The following LRRTM3 variants were observed in gnomAD, a reference collection of about 807,000 sequenced individuals.
The protein encoded by LRRTM3 is leucine-rich repeat transmembrane neuronal protein 3.
In LRRTM3, 24 loss-of-function variants were observed where a neutral mutation model predicts 44.7. The observed-to-expected ratio is 0.54, with a 90% CI of 0.39 to 0.76. The LOEUF (loss-of-function observed/expected upper bound fraction) is 0.76. Among genes scored for constraint, LRRTM3 ranks in the 30% least tolerant of loss-of-function variants. The pLI is 0.00. For synonymous variants in LRRTM3, 277 were observed against 278.7 expected (o/e 0.99, Z 0.06); for missense variants, 587 against 702.2 (o/e 0.84, Z 1.85).
At chr10:66,946,737 C>A (rs1848292625) in intron 2 of LRRTM3, among the ~76,000 whole-genome samples, 1 of 152,066 alleles carries the variant, frequency 6.6e-6, no homozygotes, top group South Asian at 2.1e-4. Flanking sequence ...TATTTCTCAT[C>A]TCTGTCCCTC....
At chr10:66,982,862 C>T (rs1850518592) in intron 2 of LRRTM3, among the ~76,000 whole-genome samples, 1 of 152,142 alleles carries the variant, frequency 6.6e-6, no homozygotes, top group South Asian at 2.1e-4. Context: ...TGAAGTCCTT[C>T]AGCTGACCTG....
intron 2 of LRRTM3, among the ~76,000 whole-genome samples, chr10:66,981,945 C>A (rs949302070): frequency 6.6e-6 from 1 of 152,166 alleles, no homozygotes; most frequent in African/African-American, 2.4e-5. Flanking sequence ...CCAAAGGCTG[C>A]CTATTTGGCT....
chr10:67,080,395 C>T (rs1383546795), intron 2 of LRRTM3, among the ~76,000 whole-genome samples: 1 of 152,128 alleles, frequency 6.6e-6, no homozygotes, highest in Admixed American at 6.6e-5. Context: ...GTCAGGAACA[C>T]ATTTAAATAA....
chr10:66,956,767 G>A (rs1029162703), intron 2 of LRRTM3, among the ~76,000 whole-genome samples: 1 of 152,114 alleles, frequency 6.6e-6, no homozygotes, highest in Non-Finnish European at 1.5e-5. Context: ...ACTGAATTTG[G>A]CAAATCACAC....
intron 2 of LRRTM3, among the ~76,000 whole-genome samples, chr10:66,950,344 G>A (rs576728586): frequency 6.6e-6 from 1 of 151,476 alleles, no homozygotes; most frequent in South Asian, 2.1e-4. Flanking sequence ...AATTTTACAG[G>A]GAGGAAAAAA....
Position 67,078,556 on chromosome 10 carries a change from G to A in LRRTM3, c.1537-19031G>A, listed in dbSNP as rs139094890. On this transcript the variant is annotated intron_variant, in intron 2 of 2. Coordinates refer to ENST00000361320, the MANE Select transcript of LRRTM3 (RefSeq NM_178011.5). The stretch of plus-strand genomic sequence containing the variant: ...ATTTGAGAAGGAGTCTCGCTCTGTC[G>A]CCCAGGCTGGAGTGCAGTGGTGCAA... Among the ~76,000 whole-genome samples the A allele has an allele frequency of 2.7e-4, 41 of 151,468 alleles. No homozygotes were observed. The East Asian group carries it at 5.7e-3, about 21-fold the overall frequency.
At chr10:67,094,772 T>C (rs771605521) in intron 2 of LRRTM3, among the ~76,000 whole-genome samples, 8 of 151,760 alleles carry the variant, frequency 5.3e-5, no homozygotes, top group Non-Finnish European at 2.9e-5. Flanking sequence ...AAAATATTCA[T>C]AATTCAACAA....
Position 66,928,308 on chromosome 10 carries a change from G to T in LRRTM3, c.1392G>T (p.Lys464Asn). ...CCCTCATGCGAAGGCACAGGAAAAA[G>T]AAAAGACAGTCCCTAAAGCAAATGA... is the stretch of plus-strand genomic sequence containing the variant. ...QRSLMRRHRK[K>N]KRQSLKQMTP... The change falls in exon 2 of 3, where the codon AAG becomes AAT. Residue 464 changes from lysine to asparagine, a missense_variant. Physicochemically the swap from Lys to Asn is moderately conservative, Grantham distance 94. Around this residue, in one of 3 missense-constraint regions of LRRTM3, gnomAD observed 315 missense variants for 335.6 expected, o/e 0.94. Coordinates refer to ENST00000361320, the MANE Select transcript of LRRTM3 (RefSeq NM_178011.5). 1 of 1,614,160 alleles carries T rather than the reference G, an allele frequency of 6.2e-7. No individual in the cohort carries two copies. Among genetic ancestry groups the T allele is most frequent in the Non-Finnish European group, 8.5e-7 (1 of 1,180,036 alleles).
At chr10:67,045,843 T>C (rs1854708229) in intron 2 of LRRTM3, among the ~76,000 whole-genome samples, 1 of 152,122 alleles carries the variant, frequency 6.6e-6, no homozygotes, top group Admixed American at 6.5e-5. Flanking sequence ...CCTTCCTGAC[T>C]CCTAACACAG....
intron 2 of LRRTM3, among the ~76,000 whole-genome samples, chr10:66,986,005 C>T (rs752882093): frequency 2.6e-5 from 4 of 152,084 alleles, no homozygotes; most frequent in Non-Finnish European, 5.9e-5. Flanking sequence ...GGATTACAGG[C>T]GTGAGCCACC....
At chr10:66,934,019 C>T (rs111658588) in intron 2 of LRRTM3, among the ~76,000 whole-genome samples, 21 of 152,074 alleles carry the variant, frequency 1.4e-4, no homozygotes, top group East Asian at 3.9e-4. Context: ...CATGAATGGA[C>T]GCTCTTGAGT....
intron 2 of LRRTM3, among the ~76,000 whole-genome samples, chr10:67,009,482 T>C (rs184603782): frequency 3.3e-5 from 5 of 152,152 alleles, no homozygotes; most frequent in Non-Finnish European, 4.4e-5. Context: ...CTGTTTTTCA[T>C]TGAACCTCTA....
chr10:67,025,494 C>T (rs563641055), intron 2 of LRRTM3, among the ~76,000 whole-genome samples: 2 of 152,100 alleles, frequency 1.3e-5, no homozygotes, highest in South Asian at 4.1e-4. Flanking sequence ...AAATTCCAGA[C>T]TTCCTATATA....
chr10:67,081,678 T>G (rs1857063699), intron 2 of LRRTM3, among the ~76,000 whole-genome samples: 1 of 152,176 alleles, frequency 6.6e-6, no homozygotes. Flanking sequence ...TCCTGCCATT[T>G]TGAGTAGTTC....
chr10:66,998,471 T>C (rs1851484961), intron 2 of LRRTM3, among the ~76,000 whole-genome samples: 1 of 152,132 alleles, frequency 6.6e-6, no homozygotes, highest in African/African-American at 2.4e-5. Context: ...AGGACAGATA[T>C]TGCAAATTAT....
intron 2 of LRRTM3, among the ~76,000 whole-genome samples, chr10:67,077,113 G>A (rs1856785154): frequency 6.6e-6 from 1 of 152,020 alleles, no homozygotes. Flanking sequence ...AATCACTCCT[G>A]AAACCTGCTA....
chr10:67,006,145 T>TTC (rs1851974612), intron 2 of LRRTM3, among the ~76,000 whole-genome samples: 1 of 152,156 alleles, frequency 6.6e-6, no homozygotes, highest in Non-Finnish European at 1.5e-5. Context: ...CTCCTGTGCC[T>TTC]GTTTCTTGCA....
intron 2 of LRRTM3, among the ~76,000 whole-genome samples, chr10:66,985,724 A>G (rs768295219): frequency 3.3e-5 from 5 of 151,856 alleles, no homozygotes; most frequent in Admixed American, 6.6e-5. Flanking sequence ...CTGTTTGTTT[A>G]TTTGTTTGTT....
intron 2 of LRRTM3, among the ~76,000 whole-genome samples, chr10:67,065,612 G>A (rs1478285818): frequency 6.6e-6 from 1 of 152,048 alleles, no homozygotes; most frequent in Non-Finnish European, 1.5e-5. Flanking sequence ...AGGAAGTGGT[G>A]GGATATTTCC....
Sources: gnomAD v4.1 joint callset for allele counts (sites outside exome capture counted in the v4.1 genomes callset) on GRCh38, gnomAD v4.1.1 for gene constraint, gnomAD v4.1.1 regional missense constraint, MANE v1.5 for transcripts, NCBI Gene and HGNC (gene_info 2026-07-23, HGNC 2026-07-21) for gene names.